The following CTNNA3 variants were observed in gnomAD, a reference collection of about 807,000 sequenced individuals.
The protein encoded by CTNNA3 is catenin alpha 3.
A neutral mutation model predicts 95.7 loss-of-function variants in CTNNA3; 76 were observed. That is an observed-to-expected ratio of 0.79 (90% CI 0.66 to 0.96). CTNNA3 has a LOEUF of 0.96. CTNNA3 is among the 40% of genes least tolerant of loss of function. The pLI is 0.00. For synonymous variants in CTNNA3, 431 were observed against 374.4 expected, an observed-to-expected ratio of 1.15 and a Z score of -1.74; for missense variants, 1,191 against 1,089.8, an observed-to-expected ratio of 1.09 and a Z score of -1.31.
At chr10:67,662,343 C>G (rs1366189699) in intron 1 of CTNNA3, among the ~76,000 whole-genome samples, 2 of 152,274 alleles carry the variant, frequency 1.3e-5, no homozygotes, top group East Asian at 3.9e-4. Flanking sequence ...CTCATTCTCT[C>G]TCGCAAAATA....
intron 1 of CTNNA3, among the ~76,000 whole-genome samples, chr10:67,751,954 T>G (rs972637427): frequency 2.0e-5 from 3 of 152,064 alleles, no homozygotes; most frequent in Admixed American, 1.3e-4. Flanking sequence ...AAGGAGGGAC[T>G]TTTCTCTAAC....
chr10:67,361,041 A>G (rs1218393753), intron 5 of CTNNA3, among the ~76,000 whole-genome samples: 2 of 152,156 alleles, frequency 1.3e-5, no homozygotes, highest in East Asian at 3.8e-4. Context: ...GAAGGGTATT[A>G]CATAATGATA....
At chr10:67,478,430 G>C (rs1051676300) in intron 5 of CTNNA3, among the ~76,000 whole-genome samples, 2 of 152,168 alleles carry the variant, frequency 1.3e-5, no homozygotes, top group African/African-American at 2.4e-5. Context: ...GCTAACAGCA[G>C]ACTTCTCAGC....
At chr10:66,475,641 T>G (rs896206930) in intron 11 of CTNNA3, among the ~76,000 whole-genome samples, 3 of 151,882 alleles carry the variant, frequency 2.0e-5, no homozygotes, top group Non-Finnish European at 4.4e-5. Flanking sequence ...ATTAGAAAAA[T>G]GCAAATCTAA....
chr10:66,028,616 G>A, intron 15 of CTNNA3, among the ~76,000 whole-genome samples: 1 of 151,550 alleles, frequency 6.6e-6, no homozygotes, highest in Non-Finnish European at 1.5e-5. Flanking sequence ...AAGGGGGGAG[G>A]GATAGCATTA....
intron 2 of CTNNA3, among the ~76,000 whole-genome samples, chr10:67,636,100 C>G (rs1452183958): frequency 6.6e-6 from 1 of 152,100 alleles, no homozygotes; most frequent in Non-Finnish European, 1.5e-5. Flanking sequence ...TCTAAGAACA[C>G]AGCTAACAAG....
chr10:66,232,595 C>A (rs1405936320), intron 13 of CTNNA3, among the ~76,000 whole-genome samples: 6 of 151,788 alleles, frequency 4.0e-5, no homozygotes, highest in Non-Finnish European at 8.8e-5. Flanking sequence ...TAGAAAAGAT[C>A]CAGAAATGAC....
intron 15 of CTNNA3, among the ~76,000 whole-genome samples, chr10:66,033,764 AC>A (rs2079498785): frequency 1.3e-5 from 2 of 152,180 alleles, no homozygotes; most frequent in African/African-American, 4.8e-5. Context: ...ATTTTCTATA[AC>A]TTCAGACCCA....
At chr10:66,931,021 C>A (rs1200364093) in intron 7 of CTNNA3, among the ~76,000 whole-genome samples, 2 of 152,084 alleles carry the variant, frequency 1.3e-5, no homozygotes, top group African/African-American at 2.4e-5. Flanking sequence ...CAGTCTCCTG[C>A]TCAAAAGTTG....
At chr10:66,179,506 G>A (rs2085925397) in intron 13 of CTNNA3, among the ~76,000 whole-genome samples, 2 of 151,950 alleles carry the variant, frequency 1.3e-5, no homozygotes, top group South Asian at 4.1e-4. Context: ...GCTTTGCAAG[G>A]TGTTATTTAT....
chr10:66,243,795 C>T (rs2090198595), intron 13 of CTNNA3, among the ~76,000 whole-genome samples: 1 of 152,172 alleles, frequency 6.6e-6, no homozygotes, highest in Admixed American at 6.5e-5. Context: ...GGGAAGAACC[C>T]AGTAACCACC....
chr10:67,636,949 CA>C (rs1174984171), intron 2 of CTNNA3, among the ~76,000 whole-genome samples: 2 of 152,200 alleles, frequency 1.3e-5, no homozygotes, highest in Non-Finnish European at 1.5e-5. Context: ...TTCTAAAAAT[CA>C]GAGCACCTCT....
intron 11 of CTNNA3, among the ~76,000 whole-genome samples, chr10:66,511,421 C>T (rs554211444): frequency 6.6e-6 from 1 of 150,696 alleles, no homozygotes; most frequent in Admixed American, 6.6e-5. Flanking sequence ...TTGGGTTTGG[C>T]GTGTTCTTGC....
At chr10:67,275,726 A>C (rs1839161124) in intron 5 of CTNNA3, among the ~76,000 whole-genome samples, 1 of 152,202 alleles carries the variant, frequency 6.6e-6, no homozygotes, top group Admixed American at 6.5e-5. Flanking sequence ...GTATCACATT[A>C]TAAACTGTCC....
chr10:66,862,834 C>G (rs1208889922), intron 7 of CTNNA3, among the ~76,000 whole-genome samples: 1 of 152,110 alleles, frequency 6.6e-6, no homozygotes, highest in Non-Finnish European at 1.5e-5. Context: ...TGGTAGATTG[C>G]ATAAAGCAGA....
At chr10:67,071,740 T>C (rs2619650) in intron 7 of CTNNA3, among the ~76,000 whole-genome samples, 52,728 of 151,978 alleles carry the variant, frequency 0.35, 9,663 homozygotes, top group Middle Eastern at 0.56. Flanking sequence ...ACTTCATTTT[T>C]ACTTATGTTT....
chr10:66,297,930 C>T (rs1272014025), intron 12 of CTNNA3, among the ~76,000 whole-genome samples: 1 of 152,134 alleles, frequency 6.6e-6, no homozygotes, highest in Admixed American at 6.5e-5. Context: ...AATAGGAGTA[C>T]TTACTCTGGC....
intron 1 of CTNNA3, among the ~76,000 whole-genome samples, chr10:67,667,793 A>G (rs950492557): frequency 2.6e-5 from 4 of 152,146 alleles, no homozygotes; most frequent in African/African-American, 9.6e-5. Flanking sequence ...AAAATAGGAT[A>G]CCTCTTAATT....
At chr10:66,765,285 C>T (rs1271374314) in intron 9 of CTNNA3, among the ~76,000 whole-genome samples, 9 of 152,158 alleles carry the variant, frequency 5.9e-5, no homozygotes, top group East Asian at 5.8e-4. Flanking sequence ...TTCTAATTCA[C>T]GTGCTGATTA....
Sources: gnomAD v4.1 joint callset for allele counts (sites outside exome capture counted in the v4.1 genomes callset) on GRCh38, gnomAD v4.1.1 for gene constraint, MANE v1.5 for transcripts, NCBI Gene and HGNC (gene_info 2026-07-23, HGNC 2026-07-21) for gene names.